BMS1: variants seen among roughly 807,000 people sequenced by gnomAD.
BMS1 encodes the protein ribosome biogenesis protein BMS1 homolog.
A neutral mutation model predicts 138.7 loss-of-function variants in BMS1; 53 were observed. That is an observed-to-expected ratio of 0.38 (90% CI 0.31 to 0.48). The LOEUF (loss-of-function observed/expected upper bound fraction) is 0.48, where lower values mean the gene tolerates loss of function less well. Ranked by LOEUF, BMS1 falls within the 20% of genes least tolerant of loss-of-function variation. BMS1 has a pLI of 0.97. For synonymous variants in BMS1, 504 were observed against 539.9 expected (o/e 0.93, Z 0.92); for missense variants, 1,360 against 1,565.5 (o/e 0.87, Z 2.22).
rs1241446961 is a variant in BMS1 at position 42,833,722 on chromosome 10, A to G, written c.*2626A>G. On this transcript the variant is annotated 3_prime_UTR_variant, in exon 23 of 23. Coordinates refer to ENST00000374518, the MANE Select transcript of BMS1 (RefSeq NM_014753.4). ...TAGTTTTTGCTGTGAGTTTGCATCC[A>G]TCTCATAGGAAGACATATATCAAAA... 2 of 152,248 alleles carry G rather than the reference A, an allele frequency of 1.3e-5. No individual in the cohort carries two copies. The highest frequency in any genetic ancestry group is 2.4e-5 in the African/African-American group (1 of 41,464). The allele number at this position is 152,248 out of a possible 1,614,324, so 9.4% of individuals were successfully genotyped here.
chr10:42,818,879 A>C (rs1842424634), intron 15 of BMS1, among the ~76,000 whole-genome samples: 1 of 152,180 alleles, frequency 6.6e-6, no homozygotes, highest in South Asian at 2.1e-4. Context: ...CAGTGTGAGC[A>C]TGCAGGCACA....
Position 42,830,857 on chromosome 10 carries a change from C to T in BMS1, c.3619-9C>T. The T allele has an allele frequency of 6.2e-7, 1 of 1,604,054 alleles. No homozygotes were observed. Among genetic ancestry groups the T allele is most frequent in the South Asian group, 1.1e-5 (1 of 88,942 alleles). On this transcript the variant is annotated splice_polypyrimidine_tract_variant and intron_variant, in intron 22 of 22. Coordinates refer to ENST00000374518, the MANE Select transcript of BMS1 (RefSeq NM_014753.4). ...CATTCTGATACTCACCGGCTTTTGT[C>T]CTTGTCAGATCCTTGCACTGCTGGA...
chr10:42,822,774 G>A (rs143474734), intron 19 of BMS1, among the ~76,000 whole-genome samples: 2 of 152,184 alleles, frequency 1.3e-5, no homozygotes, highest in African/African-American at 4.8e-5. Flanking sequence ...CTAAGTGCAT[G>A]CACCTGAGTA....
At chr10:42,791,080 G>A (rs1266746771) in intron 5 of BMS1, among the ~76,000 whole-genome samples, 2 of 151,708 alleles carry the variant, frequency 1.3e-5, no homozygotes, top group Non-Finnish European at 2.9e-5. Context: ...TTGTGTGTGT[G>A]TTCACAGTCT....
rs1842796398 is a variant in BMS1, at chr10:42,831,347, T to C, written c.*251T>C. On this transcript the variant is annotated 3_prime_UTR_variant, in exon 23 of 23. Coordinates refer to ENST00000374518, the MANE Select transcript of BMS1 (RefSeq NM_014753.4). ...GTGGATTCTCTTACTTTCCTCTGCC[T>C]GCCTCAGTTTAATTATTTTGTCCTA... is the stretch of plus-strand genomic sequence containing the variant. 1 of 411,218 alleles carries C rather than the reference T, an allele frequency of 2.4e-6. No individual in the cohort carries two copies. The highest frequency in any genetic ancestry group is 2.0e-5 in the African/African-American group (1 of 50,238). 25.5% of individuals were successfully genotyped at this position (411,218 alleles called of 1,614,324 possible).
chr10:42,831,150 C>T lies in BMS1; in HGVS notation c.*54C>T. ...ATCTGCGGAGGTAGACAGTTTCAAA[C>T]ATCACAGTTTGAATGCCTGTGAATG... On this transcript the variant is annotated 3_prime_UTR_variant, in exon 23 of 23. Transcript: ENST00000374518. 1 of 1,498,424 alleles carries T rather than the reference C, an allele frequency of 6.7e-7. No homozygotes were observed. Among genetic ancestry groups the T allele is most frequent in the Non-Finnish European group, 9.0e-7 (1 of 1,113,290 alleles). 92.8% of individuals were successfully genotyped at this position (1,498,424 alleles called of 1,614,324 possible).
intron 13 of BMS1, among the ~76,000 whole-genome samples, chr10:42,810,202 T>C (rs1179826080): frequency 9.7e-6 from 1 of 102,858 alleles, no homozygotes; most frequent in Non-Finnish European, 2.1e-5. Flanking sequence ...ATGTGTGTGT[T>C]TTTTTGTTTT....
At chr10:42,825,041 C>G (rs1462515230) in intron 21 of BMS1, among the ~76,000 whole-genome samples, 1 of 152,060 alleles carries the variant, frequency 6.6e-6, no homozygotes, top group Non-Finnish European at 1.5e-5. Flanking sequence ...CAAAGTCTCA[C>G]TCTGTCGCCC....
At chr10:42,797,281 G>T (rs759033730) in intron 10 of BMS1, 50 bp downstream of exon 10, 23 of 1,577,980 alleles carry the variant, frequency 1.5e-5, no homozygotes, top group South Asian at 1.2e-4. Flanking sequence ...TCTCGAAATG[G>T]TAACCAAAGG....
chr10:42,808,372 C>T (rs528393054), intron 13 of BMS1, among the ~76,000 whole-genome samples: 1 of 151,928 alleles, frequency 6.6e-6, no homozygotes, highest in African/African-American at 2.4e-5. Context: ...GATCTCCACT[C>T]ACTGCAAGCT....
At chr10:42,813,853 C>G (rs1462431579) in intron 13 of BMS1, among the ~76,000 whole-genome samples, 1 of 152,120 alleles carries the variant, frequency 6.6e-6, no homozygotes, top group East Asian at 1.9e-4. Flanking sequence ...GTCTTTATTT[C>G]TCTCTTCATT....
intron 13 of BMS1, among the ~76,000 whole-genome samples, chr10:42,807,595 C>G (rs569423964): frequency 1.3e-5 from 2 of 152,222 alleles, no homozygotes; most frequent in East Asian, 3.9e-4. Context: ...ATCAGCACCC[C>G]CAAGGAGCTG....
In BMS1 at chr10:42,793,794, G is replaced by C. The variant is rs989067450; in HGVS notation, c.1090-58G>C. Reference sequence around the variant, plus strand: ...AATTTTGAGAAACTGAGTGAAGCTCGTGTCTCTCCAGGATCTTTGTGCTTT... The same window carrying C: ...AATTTTGAGAAACTGAGTGAAGCTCCTGTCTCTCCAGGATCTTTGTGCTTT... On this transcript the variant is annotated intron_variant, in intron 8 of 22. Coordinates refer to ENST00000374518, the MANE Select transcript of BMS1 (RefSeq NM_014753.4). The C allele has an allele frequency of 3.2e-6, 5 of 1,547,364 alleles. No individual in the cohort carries two copies. In the Admixed American group the frequency reaches 6.4e-5, roughly 20 times the overall value.
At position 42,819,425 on chromosome 10, in the gene BMS1, A is replaced by T. The variant is rs766900965; in HGVS notation, c.2581-811A>T. Among the ~76,000 whole-genome samples, 90 of 152,328 alleles carry T rather than the reference A, an allele frequency of 5.9e-4. 1 individual carries two copies. In the Middle Eastern group the frequency reaches 0.01, roughly 17 times the overall value. ...TTTAAATATTATGTAATTGTAATTA[A>T]TTTTAATGTAAATAGCCACTCATAG... is the stretch of plus-strand genomic sequence containing the variant. On this transcript the variant is annotated intron_variant, in intron 15 of 22. Transcript: ENST00000374518.
rs1841470618 is a variant in BMS1, at chr10:42,790,550, T to C, written c.636+39T>C. On this transcript the variant is annotated intron_variant, in intron 5 of 22. Transcript: ENST00000374518. ...TAATTGTTGGATACTAACAGTATAA[T>C]CCTTTTAAAATAGACTGAAGAGGCC... 1.9e-6 allele frequency: 3 copies of C among 1,604,136 alleles called. No homozygotes were observed. In the East Asian group the frequency reaches 6.7e-5, roughly 36 times the overall value.
chr10:42,812,282 A>C (rs773744668), intron 13 of BMS1, among the ~76,000 whole-genome samples: 14 of 152,184 alleles, frequency 9.2e-5, no homozygotes, highest in Non-Finnish European at 1.6e-4. Context: ...AATAGCTGGT[A>C]CTATAGGTGT....
In BMS1 at chr10:42,820,945, C is replaced by T; in HGVS notation, c.2962C>T (p.Pro988Ser). ...CCTTTTCCTTTAAGGCCCTATCACT[C>T]CACAGGGAACTGGTTTCTTGGCAAT... ...CGAAFWGPIT[P>S]QGTGFLAIQS... Residue 988 changes from proline to serine, a missense_variant, in exon 18 of 23, where the codon CCA (proline) becomes TCA (serine). Around this residue, in one of 3 missense-constraint regions of BMS1, gnomAD observed 425 missense variants for 568.3 expected, o/e 0.75. Coordinates refer to ENST00000374518, the MANE Select transcript of BMS1 (RefSeq NM_014753.4). 6.2e-7 allele frequency: 1 copy of T among 1,603,102 alleles called. No homozygotes were observed.
chr10:42,796,773 G>A lies in BMS1; in HGVS notation c.1529G>A (p.Arg510Lys). 2 of 1,614,184 alleles carry A rather than the reference G, an allele frequency of 1.2e-6. No individual in the cohort carries two copies. Among genetic ancestry groups the A allele is most frequent in the South Asian group, 1.1e-5 (1 of 91,086 alleles). Residue 510 changes from arginine to lysine, a missense_variant, in exon 10 of 23, where the codon AGG becomes AAG. By Grantham distance (26) the Arg-to-Lys change is conservative (BLOSUM62 2). Around this residue, in one of 3 missense-constraint regions of BMS1, gnomAD observed 697 missense variants for 686.2 expected, o/e 1.02. Transcript: ENST00000374518. ...GCTGACAGTGACGATGACCTTGAGA[G>A]GAGCTCAGCGGAAGAAGGGGAAGCG... ...AFADSDDDLERSSAEEGEAEE... is the reference protein window; with the variant it reads ...AFADSDDDLEKSSAEEGEAEE...
chr10:42,830,553 A>C, intron 22 of BMS1, 131 bp downstream of exon 22: 1 of 1,274,060 alleles, frequency 7.8e-7, no homozygotes, highest in Non-Finnish European at 1.1e-6. Flanking sequence ...GAAGAGCCAG[A>C]GTCCATTTCC....
Sources: gnomAD v4.1 joint callset for allele counts (sites outside exome capture counted in the v4.1 genomes callset) on GRCh38, gnomAD v4.1.1 for gene constraint, gnomAD v4.1.1 regional missense constraint, MANE v1.5 for transcripts, NCBI Gene and HGNC (gene_info 2026-07-23, HGNC 2026-07-21) for gene names.